Variants in STARD13 observed in about 807,000 individuals in gnomAD.
The protein encoded by STARD13 is StAR related lipid transfer domain containing 13, also known as stAR-related lipid transfer protein 13.
Under a neutral mutation model 106.4 loss-of-function variants are expected in STARD13, and 62 were observed. The ratio of observed to expected loss-of-function variants is 0.58; its 90% CI spans 0.48 to 0.72. STARD13 has a LOEUF of 0.72. Ranked by LOEUF, STARD13 falls within the 30% of genes least tolerant of loss-of-function variation. STARD13 has a pLI of 0.00. For missense variants in STARD13, 1,387 were observed against 1,424.0 expected, an observed-to-expected ratio of 0.97 and a Z score of 0.42; for synonymous variants, 565 against 553.0, an observed-to-expected ratio of 1.02 and a Z score of -0.31.
chr13:33,539,899 G>A, the STARD13 span, among the ~76,000 whole-genome samples: 3 of 152,132 alleles, frequency 2.0e-5, no homozygotes, highest in Non-Finnish European at 4.4e-5. Flanking sequence ...CAGACTGGGA[G>A]AAAAATATTC....
At chr13:33,140,764 T>G (rs1879708434) in intron 4 of STARD13, among the ~76,000 whole-genome samples, 2 of 149,174 alleles carry the variant, frequency 1.3e-5, no homozygotes, top group South Asian at 4.2e-4. Context: ...TTTCTTTTCT[T>G]TCTTTTTTTT....
the STARD13 span, among the ~76,000 whole-genome samples, chr13:33,393,278 TC>T: frequency 6.6e-6 from 1 of 152,160 alleles, no homozygotes; most frequent in African/African-American, 2.4e-5. Context: ...GGGAGGGCAT[TC>T]CTGGGAAGCA....
chr13:33,154,880 G>A (rs951925938), intron 3 of STARD13, among the ~76,000 whole-genome samples: 3 of 152,150 alleles, frequency 2.0e-5, no homozygotes, highest in African/African-American at 4.8e-5. Flanking sequence ...CGCGGGAACC[G>A]GCTGCTCAGG....
At chr13:33,455,994 G>A in the STARD13 span, among the ~76,000 whole-genome samples, 18 of 151,790 alleles carry the variant, frequency 1.2e-4, no homozygotes, top group Admixed American at 3.3e-4. Context: ...AAATAACAAC[G>A]AATAATATTT....
chr13:33,282,577 TAAATCAAA>T (rs1287826391), intron 1 of STARD13, among the ~76,000 whole-genome samples: 1 of 152,188 alleles, frequency 6.6e-6, no homozygotes, highest in East Asian at 1.9e-4. Context: ...AATGATGTCT[TAAATCAAA>T]TTAACATAAT....
intron 3 of STARD13, among the ~76,000 whole-genome samples, chr13:33,154,093 A>C (rs2138297348): frequency 6.6e-6 from 1 of 152,324 alleles, no homozygotes; most frequent in South Asian, 2.1e-4. Context: ...TGCCAAAGAG[A>C]CAATTCTGGT....
In STARD13 at chr13:33,230,943, C is replaced by T. The variant is rs117851592; in HGVS notation, c.169+54527G>A. 4.3e-4 allele frequency among the ~76,000 whole-genome samples: 65 copies of T among 152,296 alleles called. No individual in the cohort carries two copies. The East Asian group carries it at 0.011, about 27-fold the overall frequency. ...TGAAGTGCCAAGATACGGGCATAGT[C>T]AGAATGTTGTGGGCATATAAAGAAG... On this transcript the variant is annotated intron_variant, in intron 1 of 13. Coordinates refer to ENST00000336934, the MANE Select transcript of STARD13 (RefSeq NM_178006.4).
intron 3 of STARD13, among the ~76,000 whole-genome samples, chr13:33,157,923 A>G (rs1882174444): frequency 6.6e-6 from 1 of 152,216 alleles, no homozygotes; most frequent in Admixed American, 6.5e-5. Flanking sequence ...AGGTACTTAG[A>G]TTTCCAAGTA....
chr13:33,260,387 C>T (rs1242817595), intron 1 of STARD13, among the ~76,000 whole-genome samples: 1 of 152,230 alleles, frequency 6.6e-6, no homozygotes, highest in Non-Finnish European at 1.5e-5. Flanking sequence ...CAGTGGGCAG[C>T]CATTGCCAAC....
the STARD13 span, among the ~76,000 whole-genome samples, chr13:33,549,351 A>G: frequency 6.6e-6 from 1 of 152,222 alleles, no homozygotes. Flanking sequence ...TCGGTCATTG[A>G]ATTGTAAAGT....
At chr13:33,302,670 A>G (rs1321731787) in intron 1 of STARD13, among the ~76,000 whole-genome samples, 1 of 152,118 alleles carries the variant, frequency 6.6e-6, no homozygotes, top group African/African-American at 2.4e-5. Flanking sequence ...GCCTCCCAAA[A>G]TGTTGGAATT....
chr13:33,499,766 T>C, the STARD13 span, among the ~76,000 whole-genome samples: 20 of 142,200 alleles, frequency 1.4e-4, no homozygotes, highest in Non-Finnish European at 2.3e-4. Context: ...TCTTTCTTTT[T>C]TTTTTTTTTT....
rs114019901 is a variant in STARD13, at chr13:33,159,945, A to G, written c.323+5392T>C. Among the ~76,000 whole-genome samples, 842 of 152,284 alleles carry G rather than the reference A, an allele frequency of 5.5e-3. 9 individuals carry two copies. The highest frequency in any genetic ancestry group is 0.019 in the African/African-American group (806 of 41,560). Reference sequence around the variant, plus strand: ...AGAGATTCCACAAATCCAAATCAAAACTCCTTTAGGATTTTTAAAATAAAT... The same window carrying G: ...AGAGATTCCACAAATCCAAATCAAAGCTCCTTTAGGATTTTTAAAATAAAT... On this transcript the variant is annotated intron_variant, in intron 3 of 13. Transcript: ENST00000336934.
At chr13:33,262,969 C>T (rs976043853) in intron 1 of STARD13, among the ~76,000 whole-genome samples, 1 of 152,144 alleles carries the variant, frequency 6.6e-6, no homozygotes, top group African/African-American at 2.4e-5. Context: ...AGCTCAAGTA[C>T]CATAGGAAAT....
chr13:33,279,053 G>A (rs181358637), intron 1 of STARD13, among the ~76,000 whole-genome samples: 95 of 152,252 alleles, frequency 6.2e-4, no homozygotes, highest in African/African-American at 1.8e-3. Context: ...GGTGTGCAAT[G>A]CATGTTCAGG....
At chr13:33,449,692 T>C in the STARD13 span, among the ~76,000 whole-genome samples, 24 of 152,196 alleles carry the variant, frequency 1.6e-4, no homozygotes, top group Non-Finnish European at 2.2e-4. Flanking sequence ...TTGCTTTGAG[T>C]AGTACGGACA....
At chr13:33,506,262 A>G in the STARD13 span, among the ~76,000 whole-genome samples, 1 of 152,170 alleles carries the variant, frequency 6.6e-6, no homozygotes, top group African/African-American at 2.4e-5. Context: ...AGCATGTGTG[A>G]TTGAGTTGCA....
the STARD13 span, among the ~76,000 whole-genome samples, chr13:33,404,453 G>T: frequency 1.3e-5 from 2 of 152,204 alleles, no homozygotes; most frequent in African/African-American, 4.8e-5. Context: ...AGAAATGGCA[G>T]AATGCTTTTA....
chr13:33,294,046 A>G (rs1892394091), intron 1 of STARD13, among the ~76,000 whole-genome samples: 1 of 152,204 alleles, frequency 6.6e-6, no homozygotes, highest in African/African-American at 2.4e-5. Flanking sequence ...TTGACCATCA[A>G]ACAGGACAGT....
Sources: gnomAD v4.1 joint callset for allele counts (sites outside exome capture counted in the v4.1 genomes callset) on GRCh38, gnomAD v4.1.1 for gene constraint, MANE v1.5 for transcripts, NCBI Gene and HGNC (gene_info 2026-07-23, HGNC 2026-07-21) for gene names.